The following IMMP2L variants were observed in gnomAD, a reference collection of about 807,000 sequenced individuals.
IMMP2L encodes mitochondrial inner membrane protease subunit 2.
A neutral mutation model predicts 19.3 loss-of-function variants in IMMP2L; 18 were observed. The ratio of observed to expected loss-of-function variants is 0.93; its 90% CI spans 0.64 to 1.38. The LOEUF is 1.38. IMMP2L is among the 40% of genes most tolerant of loss of function. IMMP2L has a pLI of 0.00. For missense variants in IMMP2L, 233 were observed against 218.2 expected (o/e 1.07, Z -0.43); for synonymous variants, 76 against 73.0 (o/e 1.04, Z -0.21).
intron 3 of IMMP2L, among the ~76,000 whole-genome samples, chr7:111,472,957 A>T (rs1197667204): frequency 1.3e-5 from 2 of 152,256 alleles, no homozygotes; most frequent in East Asian, 3.9e-4. Flanking sequence ...GAAAGAAAAA[A>T]GAAAAAAAAT....
At chr7:111,238,163 A>G (rs1814561949) in intron 3 of IMMP2L, among the ~76,000 whole-genome samples, 1 of 152,080 alleles carries the variant, frequency 6.6e-6, no homozygotes, top group African/African-American at 2.4e-5. Context: ...TGGAAACATA[A>G]GACCAAGTAA....
chr7:110,826,777 G>A (rs1803536729), intron 5 of IMMP2L, among the ~76,000 whole-genome samples: 1 of 151,752 alleles, frequency 6.6e-6, no homozygotes, highest in African/African-American at 2.4e-5. Flanking sequence ...CATGGCACAT[G>A]TATACATATG....
rs535012794 is a variant in IMMP2L at position 111,204,164 on chromosome 7, A to G, written c.240-240599T>C. Among the ~76,000 whole-genome samples, 7 of 152,332 alleles carry G rather than the reference A, an allele frequency of 4.6e-5. No homozygotes were observed. In the East Asian group the frequency reaches 1.2e-3, roughly 25 times the overall value. ...GTGAAATTATCTTGTTCTGTCCAAC[A>G]ATGTTTCAACGACTGAGACAAATCC... On this transcript the variant is annotated intron_variant, in intron 3 of 5. Transcript: ENST00000405709.
intron 3 of IMMP2L, among the ~76,000 whole-genome samples, chr7:111,358,395 A>T (rs376070937): frequency 1.3e-5 from 2 of 151,720 alleles, no homozygotes; most frequent in African/African-American, 4.9e-5. Flanking sequence ...GTAAGCAGCA[A>T]TGCATAACAA....
intron 3 of IMMP2L, among the ~76,000 whole-genome samples, chr7:111,066,026 T>C (rs1440546500): frequency 6.6e-6 from 1 of 150,912 alleles, no homozygotes; most frequent in Non-Finnish European, 1.5e-5. Context: ...TCTCCCAGGC[T>C]TGAGTGCTAT....
chr7:111,269,649 T>A (rs1213380464), intron 3 of IMMP2L, among the ~76,000 whole-genome samples: 1 of 151,726 alleles, frequency 6.6e-6, no homozygotes, highest in African/African-American at 2.4e-5. Flanking sequence ...ACAGTTTTTT[T>A]TAAAAAAAAA....
chr7:111,399,914 G>A (rs933255688), intron 3 of IMMP2L, among the ~76,000 whole-genome samples: 3 of 152,002 alleles, frequency 2.0e-5, no homozygotes, highest in African/African-American at 7.3e-5. Context: ...GTAGTTTGAC[G>A]TTTTGGCTCT....
intron 3 of IMMP2L, among the ~76,000 whole-genome samples, chr7:111,274,896 C>A (rs559541149): frequency 6.6e-6 from 1 of 152,144 alleles, no homozygotes; most frequent in South Asian, 2.1e-4. Context: ...GAAAAGATAC[C>A]AGCATTCCCC....
intron 3 of IMMP2L, among the ~76,000 whole-genome samples, chr7:111,197,424 CGG>C (rs1809627863): frequency 2.0e-5 from 3 of 152,022 alleles, no homozygotes; most frequent in African/African-American, 7.2e-5. Flanking sequence ...GATCACGCCA[CGG>C]TGCTCCAGCC....
chr7:111,201,155 G>A (rs975772363), intron 3 of IMMP2L, among the ~76,000 whole-genome samples: 6 of 151,798 alleles, frequency 4.0e-5, no homozygotes, highest in Non-Finnish European at 7.4e-5. Context: ...ATGCTTGGAG[G>A]GTCTGAAGAC....
chr7:111,221,025 T>C (rs550384678), intron 3 of IMMP2L, among the ~76,000 whole-genome samples: 42 of 152,160 alleles, frequency 2.8e-4, no homozygotes, highest in Non-Finnish European at 4.9e-4. Flanking sequence ...GAGAAACACC[T>C]TCACAGAAAC....
At chr7:111,512,775 T>C (rs898733618) in intron 2 of IMMP2L, among the ~76,000 whole-genome samples, 2 of 151,848 alleles carry the variant, frequency 1.3e-5, no homozygotes, top group African/African-American at 4.8e-5. Flanking sequence ...TGTAATAGAA[T>C]AGAGAATCCA....
At chr7:111,322,555 A>G (rs1824843535) in intron 3 of IMMP2L, among the ~76,000 whole-genome samples, 1 of 151,726 alleles carries the variant, frequency 6.6e-6, no homozygotes, top group Non-Finnish European at 1.5e-5. Flanking sequence ...GTCCCAAAAA[A>G]TGAAAAAGAA....
chr7:110,839,447 T>A (rs1312755578), intron 5 of IMMP2L, among the ~76,000 whole-genome samples: 1 of 152,070 alleles, frequency 6.6e-6, no homozygotes. Context: ...CAGAAATCAT[T>A]TTTATGACAA....
At chr7:111,297,647 T>C (rs1274890100) in intron 3 of IMMP2L, among the ~76,000 whole-genome samples, 1 of 152,060 alleles carries the variant, frequency 6.6e-6, no homozygotes, top group Non-Finnish European at 1.5e-5. Context: ...AGTCAAAAAC[T>C]AGAAACAACG....
chr7:111,094,155 T>C (rs1197870796), intron 3 of IMMP2L, among the ~76,000 whole-genome samples: 3 of 152,166 alleles, frequency 2.0e-5, no homozygotes, highest in African/African-American at 7.2e-5. Flanking sequence ...CTGAATTTTT[T>C]TGGGGTGTAA....
At chr7:111,272,959 C>T (rs1818629686) in intron 3 of IMMP2L, among the ~76,000 whole-genome samples, 1 of 152,010 alleles carries the variant, frequency 6.6e-6, no homozygotes, top group Admixed American at 6.6e-5. Context: ...GTATAAAGAA[C>T]ATTACAAATG....
intron 3 of IMMP2L, among the ~76,000 whole-genome samples, chr7:111,264,095 A>T (rs754793368): frequency 6.6e-6 from 1 of 152,192 alleles, no homozygotes; most frequent in Admixed American, 6.6e-5. Flanking sequence ...TCAAAGTATG[A>T]GGAAAAACAC....
chr7:110,879,742 CA>C (rs562625009), intron 5 of IMMP2L, among the ~76,000 whole-genome samples: 14 of 152,204 alleles, frequency 9.2e-5, no homozygotes, highest in South Asian at 2.1e-4. Context: ...ATCATACTTA[CA>C]AAAAATAACA....
Sources: allele counts gnomAD v4.1 joint callset (sites outside exome capture counted in the v4.1 genomes callset), GRCh38; gene constraint gnomAD v4.1.1; transcripts MANE v1.5; gene names NCBI Gene and HGNC (gene_info 2026-07-23, HGNC 2026-07-21).